STK3: variants seen among roughly 807,000 people sequenced by gnomAD.
STK3 encodes the protein serine/threonine-protein kinase 3.
In STK3, 41 loss-of-function variants were observed where a neutral mutation model predicts 58.0. The ratio of observed to expected loss-of-function variants is 0.71; its 90% CI spans 0.55 to 0.92. The LOEUF (loss-of-function observed/expected upper bound fraction) is 0.92. STK3 is among the 40% of genes least tolerant of loss of function. The pLI is 0.00. For missense variants in STK3, 479 were observed against 602.7 expected (o/e 0.79, Z 2.15); for synonymous variants, 170 against 191.0 (o/e 0.89, Z 0.91).
chr8:98,386,891 G>A (rs1472805283), intron 1 of STK3, among the ~76,000 whole-genome samples: 1 of 152,204 alleles, frequency 6.6e-6, no homozygotes, highest in Non-Finnish European at 1.5e-5. Flanking sequence ...CCCGGAGGTG[G>A]AGGTTACTGT....
chr8:98,444,211 G>GTGTCC (rs1229480456), intron 1 of STK3, among the ~76,000 whole-genome samples: 1 of 152,188 alleles, frequency 6.6e-6, no homozygotes, highest in East Asian at 1.9e-4. Flanking sequence ...TACAGAGGAG[G>GTGTCC]TGTCCCTGAG....
At chr8:98,365,438 G>A in the STK3 span, among the ~76,000 whole-genome samples, 1 of 152,166 alleles carries the variant, frequency 6.6e-6, no homozygotes, top group African/African-American at 2.4e-5. Context: ...GGAGGGCCAG[G>A]CTCTGGAAGA....
intron 1 of STK3, among the ~76,000 whole-genome samples, chr8:98,916,838 T>C (rs1839363753): frequency 6.6e-6 from 1 of 152,158 alleles, no homozygotes; most frequent in South Asian, 2.1e-4. Flanking sequence ...AGCAAAGTAA[T>C]TAAAAACAAA....
intron 4 of STK3, among the ~76,000 whole-genome samples, chr8:98,724,851 T>G (rs1008635671): frequency 6.6e-6 from 1 of 152,144 alleles, no homozygotes; most frequent in Non-Finnish European, 1.5e-5. Context: ...CTTTCCTAAT[T>G]TACGTAGGTC....
chr8:98,863,278 T>C (rs938546481), intron 3 of STK3, among the ~76,000 whole-genome samples: 1 of 152,212 alleles, frequency 6.6e-6, no homozygotes, highest in African/African-American at 2.4e-5. Flanking sequence ...TGTTTTATTT[T>C]CTTTGTTTAA....
intron 3 of STK3, among the ~76,000 whole-genome samples, chr8:98,424,072 G>A (rs1351449163): frequency 1.3e-5 from 2 of 152,244 alleles, no homozygotes; most frequent in African/African-American, 4.8e-5. Flanking sequence ...CAGCTTCCCC[G>A]GTATGGAAGG....
chr8:98,595,774 A>G, intron 7 of STK3: 1 of 330,420 alleles, frequency 3.0e-6, no homozygotes, highest in Non-Finnish European at 5.6e-6. Context: ...CAGAAGAAAA[A>G]AAAAACATGA....
intron 3 of STK3, among the ~76,000 whole-genome samples, chr8:98,417,454 C>T: frequency 6.6e-6 from 1 of 152,094 alleles, no homozygotes; most frequent in Non-Finnish European, 1.5e-5. Context: ...GCGGAGGTTG[C>T]AGTGAGCCAA....
At chr8:98,933,552 A>C (rs933130976) in intron 1 of STK3, among the ~76,000 whole-genome samples, 4 of 152,210 alleles carry the variant, frequency 2.6e-5, no homozygotes, top group African/African-American at 9.7e-5. Flanking sequence ...TAAGGAAATA[A>C]ATGTGTAATA....
At chr8:98,877,547 G>T (rs1837599781) in intron 3 of STK3, among the ~76,000 whole-genome samples, 1 of 152,044 alleles carries the variant, frequency 6.6e-6, no homozygotes, top group Non-Finnish European at 1.5e-5. Context: ...GCAATGGCAT[G>T]ATCTCGGCTC....
intron 1 of STK3, among the ~76,000 whole-genome samples, chr8:98,780,239 C>T (rs1022190373): frequency 3.3e-5 from 5 of 151,874 alleles, no homozygotes; most frequent in Non-Finnish European, 5.9e-5. Context: ...AGAGTTTGTA[C>T]TAATTTATTC....
intron 3 of STK3, among the ~76,000 whole-genome samples, chr8:98,404,572 C>T (rs529996243): frequency 2.0e-5 from 3 of 148,928 alleles, no homozygotes; most frequent in Non-Finnish European, 4.4e-5. Context: ...CCCAGCTACT[C>T]GGGAGGCTGA....
At chr8:98,874,588 T>G (rs528600874) in intron 3 of STK3, among the ~76,000 whole-genome samples, 3 of 151,970 alleles carry the variant, frequency 2.0e-5, no homozygotes, top group Non-Finnish European at 4.4e-5. Flanking sequence ...TATCTATATA[T>G]AAACATATAT....
At chr8:98,827,174 A>G (rs1460276132), upstream of STK3, among the ~76,000 whole-genome samples, 5 of 138,914 alleles carry the variant, frequency 3.6e-5, no homozygotes, top group Admixed American at 7.2e-5. Context: ...CGTCTCTACT[A>G]AAAATACAAA....
intron 3 of STK3, among the ~76,000 whole-genome samples, chr8:98,753,467 T>A (rs535651958): frequency 1.3e-5 from 2 of 152,002 alleles, no homozygotes; most frequent in Non-Finnish European, 2.9e-5. Context: ...CTGGGGCCTA[T>A]CAGAAGGTGG....
Position 98,909,897 on chromosome 8 carries a change from G to A in STK3, c.-78-26063C>T, listed in dbSNP as rs539054082. 2.2e-4 allele frequency among the ~76,000 whole-genome samples: 34 copies of A among 151,648 alleles called. No homozygotes were observed. The East Asian group carries it at 6.3e-3, about 28-fold the overall frequency. On this transcript the variant is annotated intron_variant, in intron 1 of 1. Transcript: ENST00000519420. ...CTGGAGTAGAATATGGTAATACTAT[G>A]TTTAATCATTTGAGGAACTGCCAGA...
rs1405700830 is a variant in STK3 at position 98,454,958 on chromosome 8, A to C, written c.*884T>G. ...TGACAACAGAGCACATTTTCATAGA[A>C]ATGAAATTGATGAGCTTATTACAGT... On this transcript the variant is annotated 3_prime_UTR_variant, in exon 11 of 11. Coordinates refer to ENST00000419617, the MANE Select transcript of STK3 (RefSeq NM_006281.4). The C allele has an allele frequency of 6.6e-6, 1 of 152,420 alleles. No homozygotes were observed. Among genetic ancestry groups the C allele is most frequent in the East Asian group, 1.9e-4 (1 of 5,198 alleles). 9.4% of individuals were successfully genotyped at this position (152,420 alleles called of 1,614,324 possible). A position where few individuals can be genotyped will look rare whatever the true frequency, so the allele number is the denominator to read the frequency against.
At chr8:98,730,992 T>A (rs1262529587) in intron 4 of STK3, among the ~76,000 whole-genome samples, 3 of 152,106 alleles carry the variant, frequency 2.0e-5, no homozygotes, top group Non-Finnish European at 4.4e-5. Context: ...TTCTCAAAAG[T>A]ACAGAAGGAG....
intron 4 of STK3, among the ~76,000 whole-genome samples, chr8:98,721,455 A>G (rs1485455930): frequency 6.6e-6 from 1 of 152,118 alleles, no homozygotes; most frequent in African/African-American, 2.4e-5. Context: ...ACATGAGCCC[A>G]GGAGTTCGTT....
Sources: gnomAD v4.1 joint callset for allele counts (sites outside exome capture counted in the v4.1 genomes callset) on GRCh38, gnomAD v4.1.1 for gene constraint, MANE v1.5 for transcripts, NCBI Gene and HGNC (gene_info 2026-07-23, HGNC 2026-07-21) for gene names.